Variants in SOX5 observed in about 807,000 individuals in gnomAD.
The protein encoded by SOX5 is SRY-box transcription factor 5.
A neutral mutation model predicts 92.0 loss-of-function variants in SOX5; 9 were observed. The ratio of observed to expected loss-of-function variants is 0.10; its 90% CI spans 0.06 to 0.17. The LOEUF (loss-of-function observed/expected upper bound fraction) is 0.17. Among genes scored for constraint, SOX5 ranks in the 10% least tolerant of loss-of-function variants. The pLI is 1.00. For synonymous variants in SOX5, 344 were observed against 336.3 expected, an observed-to-expected ratio of 1.02 and a Z score of -0.25; for missense variants, 642 against 944.5, an observed-to-expected ratio of 0.68 and a Z score of 4.20.
At chr12:24,299,408 T>A in intron 2 of SOX5, among the ~76,000 whole-genome samples, 1 of 152,176 alleles carries the variant, frequency 6.6e-6, no homozygotes, top group Non-Finnish European at 1.5e-5. Flanking sequence ...TCCAGCCCGG[T>A]GAGAATCTCA....
At chr12:23,993,892 T>TGC in intron 4 of SOX5, among the ~76,000 whole-genome samples, 1 of 151,228 alleles carries the variant, frequency 6.6e-6, no homozygotes, top group South Asian at 2.2e-4. Context: ...TGTATGTATG[T>TGC]ATGTATGTAT....
At chr12:23,698,421 A>G (rs2090178200) in intron 6 of SOX5, among the ~76,000 whole-genome samples, 2 of 152,226 alleles carry the variant, frequency 1.3e-5, no homozygotes, top group Admixed American at 1.3e-4. Flanking sequence ...TTTAATTGCT[A>G]TATCTTCAAA....
At chr12:24,475,374 G>A (rs553490283) in intron 1 of SOX5, among the ~76,000 whole-genome samples, 24 of 152,248 alleles carry the variant, frequency 1.6e-4, no homozygotes, top group African/African-American at 2.2e-4. Flanking sequence ...TAAGCCTCTC[G>A]AAGGCAGGAA....
chr12:24,408,407 A>G (rs558079134), intron 1 of SOX5, among the ~76,000 whole-genome samples: 4 of 152,322 alleles, frequency 2.6e-5, no homozygotes, highest in African/African-American at 9.6e-5. Flanking sequence ...AGTTTCCCTC[A>G]TCGGTAACAG....
At chr12:23,761,483 G>A (rs904400299) in intron 3 of SOX5, among the ~76,000 whole-genome samples, 3 of 152,072 alleles carry the variant, frequency 2.0e-5, no homozygotes, top group East Asian at 3.9e-4. Context: ...GGAGATGACC[G>A]TGTGTATGGC....
At chr12:24,524,243 G>A (rs971879953) in intron 1 of SOX5, among the ~76,000 whole-genome samples, 4 of 152,170 alleles carry the variant, frequency 2.6e-5, no homozygotes, top group African/African-American at 9.7e-5. Flanking sequence ...ACTAAGCCAT[G>A]CTACCAGCAC....
intron 3 of SOX5, among the ~76,000 whole-genome samples, chr12:24,263,621 C>A (rs1375901444): frequency 6.7e-6 from 1 of 149,544 alleles, no homozygotes; most frequent in Non-Finnish European, 1.5e-5. Flanking sequence ...TGTTTCTGTA[C>A]ATTTTGAGCA....
intron 1 of SOX5, among the ~76,000 whole-genome samples, chr12:23,933,705 T>C (rs777972691): frequency 1.3e-5 from 2 of 151,526 alleles, no homozygotes; most frequent in African/African-American, 2.4e-5. Context: ...TATCGAATTC[T>C]AGGGTCTCAC....
chr12:24,530,751 A>C (rs1951125025), intron 1 of SOX5, among the ~76,000 whole-genome samples: 1 of 152,126 alleles, frequency 6.6e-6, no homozygotes, highest in Non-Finnish European at 1.5e-5. Flanking sequence ...TCAAAAAAAA[A>C]AAAAAAAGAT....
At chr12:24,509,424 T>C (rs1168605677) in intron 1 of SOX5, among the ~76,000 whole-genome samples, 1 of 152,016 alleles carries the variant, frequency 6.6e-6, no homozygotes, top group African/African-American at 2.4e-5. Flanking sequence ...TCTATGAACA[T>C]AAAAATGACC....
chr12:23,918,740 A>G (rs1354991460), intron 1 of SOX5, among the ~76,000 whole-genome samples: 1 of 151,946 alleles, frequency 6.6e-6, no homozygotes, highest in Non-Finnish European at 1.5e-5. Flanking sequence ...AACGTGGTGA[A>G]ACCCCGTCTC....
chr12:23,721,426 G>A (rs561492764), intron 6 of SOX5, among the ~76,000 whole-genome samples: 1 of 152,014 alleles, frequency 6.6e-6, no homozygotes, highest in Admixed American at 6.6e-5. Flanking sequence ...TAATTCAGTA[G>A]TACTCACAGT....
chr12:24,384,611 G>A (rs1484342732), intron 1 of SOX5, among the ~76,000 whole-genome samples: 1 of 152,166 alleles, frequency 6.6e-6, no homozygotes, highest in Non-Finnish European at 1.5e-5. Context: ...CTGTGAAATT[G>A]CAAAGAAGGA....
rs994551664 is a variant in SOX5, at chr12:23,546,166, T to A, written c.1597+150A>T. On this transcript the variant is annotated intron_variant, in intron 12 of 14. Transcript: ENST00000451604. ...TCTGCAAAGCACTCAGCAGAGTGCT[T>A]GGCACATGGGGACTGCTCAGTATAT... 7.4e-6 allele frequency: 4 copies of A among 544,156 alleles called. No homozygotes were observed. In the African/African-American group the frequency reaches 7.8e-5, roughly 11 times the overall value. The allele number at this position is 544,156 out of a possible 1,614,324, so 33.7% of individuals were successfully genotyped here.
intron 11 of SOX5, among the ~76,000 whole-genome samples, chr12:23,556,716 A>G (rs1945239649): frequency 6.6e-6 from 1 of 152,232 alleles, no homozygotes. Flanking sequence ...TCCGTAAATC[A>G]TTAATGGAAG....
At chr12:24,227,442 G>T (rs573600961) in intron 3 of SOX5, 1 of 152,188 alleles carries the variant, frequency 6.6e-6, no homozygotes, top group Admixed American at 6.5e-5. Context: ...CCTTGAAGTG[G>T]ACTGAAATAT....
chr12:23,867,923 AC>A (rs1247585667), intron 2 of SOX5, among the ~76,000 whole-genome samples: 1 of 151,918 alleles, frequency 6.6e-6, no homozygotes, highest in Non-Finnish European at 1.5e-5. Context: ...AGTAAATACC[AC>A]CTAGGCAGTT....
At chr12:24,061,121 T>G (rs1445127021) in intron 4 of SOX5, among the ~76,000 whole-genome samples, 1 of 152,102 alleles carries the variant, frequency 6.6e-6, no homozygotes, top group Non-Finnish European at 1.5e-5. Context: ...CTCCTCCTTT[T>G]TTTTTTGTAA....
rs573080260 is a variant in SOX5 at position 23,721,073 on chromosome 12, T to TTTTA, written c.810+13607_810+13610dup. ...AAAGTCTGTTTTTCTATATTAATTA[T>TTTTA]TTTATTTATTTATTTATTTATTTAT... On this transcript the variant is annotated intron_variant, in intron 6 of 14. Transcript: ENST00000451604. Among the ~76,000 whole-genome samples, 358 of 146,534 alleles carry TTTTA rather than the reference T, an allele frequency of 2.4e-3. 2 individuals are homozygous for TTTTA. The highest frequency in any genetic ancestry group is 5.4e-3 in the Admixed American group (81 of 15,064).
Sources: gnomAD v4.1 joint callset for allele counts (sites outside exome capture counted in the v4.1 genomes callset) on GRCh38, gnomAD v4.1.1 for gene constraint, MANE v1.5 for transcripts, NCBI Gene and HGNC (gene_info 2026-07-23, HGNC 2026-07-21) for gene names.